CA10: variants seen among roughly 807,000 people sequenced by gnomAD.
CA10 encodes carbonic anhydrase-related protein 10.
A neutral mutation model predicts 44.2 loss-of-function variants in CA10; 14 were observed. The observed-to-expected ratio is 0.32, with a 90% CI of 0.21 to 0.50. The LOEUF is 0.50. Ranked by LOEUF, CA10 falls within the 20% of genes least tolerant of loss-of-function variation. The pLI is 0.99. For synonymous variants in CA10, 159 were observed against 141.6 expected (o/e 1.12, Z -0.87); for missense variants, 350 against 409.7 (o/e 0.85, Z 1.26).
chr17:52,086,650 G>A (rs1362292527), intron 1 of CA10, among the ~76,000 whole-genome samples: 2 of 152,186 alleles, frequency 1.3e-5, no homozygotes, highest in African/African-American at 2.4e-5. Flanking sequence ...CAATGACACT[G>A]AAGAGAATTT....
chr17:51,991,324 A>G (rs368978083), intron 2 of CA10, among the ~76,000 whole-genome samples: 13 of 152,058 alleles, frequency 8.5e-5, no homozygotes, highest in African/African-American at 2.7e-4. Flanking sequence ...ATCCATGTCA[A>G]CTCCCTCCAA....
At chr17:52,004,580 CAATT>C (rs1338602840) in intron 2 of CA10, among the ~76,000 whole-genome samples, 3 of 151,880 alleles carry the variant, frequency 2.0e-5, no homozygotes, top group Non-Finnish European at 4.4e-5. Flanking sequence ...ACTAACAAGA[CAATT>C]AATAAAATGA....
chr17:51,784,887 T>A (rs1906202964), intron 3 of CA10, among the ~76,000 whole-genome samples: 1 of 152,232 alleles, frequency 6.6e-6, no homozygotes, highest in African/African-American at 2.4e-5. Context: ...TCTAGTTTTT[T>A]TGTATCCCTT....
At chr17:51,962,603 C>T (rs911222420) in intron 2 of CA10, among the ~76,000 whole-genome samples, 1 of 152,056 alleles carries the variant, frequency 6.6e-6, no homozygotes, top group Non-Finnish European at 1.5e-5. Flanking sequence ...AGTCAAACCA[C>T]AGAACTCAAT....
At chr17:51,819,659 C>T (rs1266888822) in intron 3 of CA10, among the ~76,000 whole-genome samples, 2 of 152,220 alleles carry the variant, frequency 1.3e-5, no homozygotes, top group Non-Finnish European at 2.9e-5. Flanking sequence ...AACTTTCCAG[C>T]AGTTTCCCAA....
At chr17:51,981,426 A>G (rs1461980955) in intron 2 of CA10, among the ~76,000 whole-genome samples, 1 of 152,040 alleles carries the variant, frequency 6.6e-6, no homozygotes, top group Non-Finnish European at 1.5e-5. Flanking sequence ...ACAGAAAAAG[A>G]ATACATATTA....
chr17:51,658,550 CT>C (rs1913885045), intron 4 of CA10, among the ~76,000 whole-genome samples: 2 of 152,226 alleles, frequency 1.3e-5, no homozygotes, highest in South Asian at 4.1e-4. Flanking sequence ...AAGCATATCA[CT>C]TGTAGAGAAC....
chr17:51,771,941 C>T (rs1032691487), intron 3 of CA10, among the ~76,000 whole-genome samples: 1 of 152,172 alleles, frequency 6.6e-6, no homozygotes. Flanking sequence ...CAGGTGAGGA[C>T]AAAGCCTCTC....
intron 1 of CA10, among the ~76,000 whole-genome samples, chr17:52,117,066 G>A (rs969506763): frequency 1.3e-5 from 2 of 152,232 alleles, no homozygotes; most frequent in African/African-American, 2.4e-5. Flanking sequence ...AGCTTAATTA[G>A]AAGTGTATAT....
intron 2 of CA10, among the ~76,000 whole-genome samples, chr17:52,058,364 G>A (rs1229931654): frequency 1.3e-5 from 2 of 152,096 alleles, no homozygotes; most frequent in African/African-American, 2.4e-5. Flanking sequence ...TTACAAAAAT[G>A]TTTGAGACAC....
intron 3 of CA10, among the ~76,000 whole-genome samples, chr17:51,873,352 C>T (rs544710309): frequency 2.5e-4 from 38 of 152,202 alleles, no homozygotes; most frequent in African/African-American, 8.2e-4. Context: ...CTCTGAGCCT[C>T]GGTATTTTTC....
chr17:52,042,847 G>A (rs1232649972), intron 2 of CA10, among the ~76,000 whole-genome samples: 1 of 151,896 alleles, frequency 6.6e-6, no homozygotes, highest in Non-Finnish European at 1.5e-5. Flanking sequence ...ATTTATTTAA[G>A]AAACTATCCT....
At chr17:52,155,288 A>G (rs1194759348) in intron 1 of CA10, among the ~76,000 whole-genome samples, 11 of 152,134 alleles carry the variant, frequency 7.2e-5, no homozygotes, top group Non-Finnish European at 1.6e-4. Context: ...TTAATTTAAG[A>G]TTTAGTAGAT....
At chr17:51,689,440 A>T (rs901755933) in intron 4 of CA10, among the ~76,000 whole-genome samples, 4 of 152,226 alleles carry the variant, frequency 2.6e-5, no homozygotes, top group African/African-American at 9.6e-5. Flanking sequence ...ATGAATGATT[A>T]CATGAATATG....
At chr17:51,790,510 A>G (rs572349188) in intron 3 of CA10, among the ~76,000 whole-genome samples, 20 of 152,276 alleles carry the variant, frequency 1.3e-4, no homozygotes, top group African/African-American at 4.8e-4. Context: ...TCTCTCTGCT[A>G]TTTGTCTACC....
At chr17:51,878,739 G>A (rs1004262162) in intron 3 of CA10, among the ~76,000 whole-genome samples, 2 of 149,720 alleles carry the variant, frequency 1.3e-5, no homozygotes, top group Non-Finnish European at 3.0e-5. Context: ...CATAATATGA[G>A]CCAAAGAAAT....
intron 1 of CA10, among the ~76,000 whole-genome samples, chr17:52,105,477 A>G (rs979783505): frequency 7.3e-5 from 11 of 151,046 alleles, no homozygotes; most frequent in East Asian, 1.9e-4. Flanking sequence ...GGATGGTCTC[A>G]ATCTCCTGAC....
chr17:52,117,855 G>T (rs1199647976), intron 1 of CA10, among the ~76,000 whole-genome samples: 2 of 152,160 alleles, frequency 1.3e-5, no homozygotes, highest in African/African-American at 4.8e-5. Flanking sequence ...AATTAGATAA[G>T]ATAAAGCTAA....
chr17:51,865,473 ACATTT>A (rs1979502151), intron 3 of CA10, among the ~76,000 whole-genome samples: 3 of 152,192 alleles, frequency 2.0e-5, no homozygotes, highest in Non-Finnish European at 4.4e-5. Flanking sequence ...AGTTGAAAAG[ACATTT>A]ATAGTGCAAT....
Sources: gnomAD v4.1 joint callset for allele counts (sites outside exome capture counted in the v4.1 genomes callset) on GRCh38, gnomAD v4.1.1 for gene constraint, MANE v1.5 for transcripts, NCBI Gene and HGNC (gene_info 2026-07-23, HGNC 2026-07-21) for gene names.